The following SPTBN1 variants were observed in gnomAD, a reference collection of about 807,000 sequenced individuals.
SPTBN1 encodes spectrin beta chain, non-erythrocytic 1.
SPTBN1 carries 32 observed loss-of-function variants against 266.4 expected under a neutral mutation model. The observed-to-expected ratio is 0.12, with a 90% CI of 0.09 to 0.16. The LOEUF (loss-of-function observed/expected upper bound fraction) is 0.16. Among genes scored for constraint, SPTBN1 ranks in the 10% least tolerant of loss-of-function variants. The probability of loss-of-function intolerance (pLI) is 1.00; values close to 1 mark genes in which losing one functional copy is unlikely to be tolerated. For synonymous variants in SPTBN1, 1,336 were observed against 1,162.2 expected, an observed-to-expected ratio of 1.15 and a Z score of -3.04; for missense variants, 2,296 against 3,067.1, an observed-to-expected ratio of 0.75 and a Z score of 5.94.
intron 1 of SPTBN1, among the ~76,000 whole-genome samples, chr2:54,470,976 C>T (rs60415901): frequency 0.018 from 2,678 of 152,318 alleles, 75 homozygotes; most frequent in African/African-American, 0.058. Context: ...AGCTCATTAG[C>T]TATCATTAGT....
intron 1 of SPTBN1, among the ~76,000 whole-genome samples, chr2:54,501,295 T>C (rs1669256183): frequency 6.6e-6 from 1 of 152,098 alleles, no homozygotes; most frequent in South Asian, 2.1e-4. Context: ...GCTCTTTGGC[T>C]CTTTTTTTTT....
chr2:54,485,771 C>T (rs1342508003), intron 1 of SPTBN1, among the ~76,000 whole-genome samples: 1 of 151,372 alleles, frequency 6.6e-6, no homozygotes, highest in Non-Finnish European at 1.5e-5. Flanking sequence ...GCCGCCATCA[C>T]ATCTAGGAAG....
At chr2:54,667,080 C>T (rs1436795572) in intron 34 of SPTBN1, among the ~76,000 whole-genome samples, 3 of 152,200 alleles carry the variant, frequency 2.0e-5, no homozygotes, top group African/African-American at 7.2e-5. Flanking sequence ...GAACCTGTGA[C>T]CCTTCCAAGC....
chr2:54,459,636 T>C (rs1463390149), intron 1 of SPTBN1, among the ~76,000 whole-genome samples: 8 of 152,238 alleles, frequency 5.3e-5, no homozygotes, highest in Admixed American at 4.6e-4. Context: ...GATGCTCCTT[T>C]AATTATGTTG....
chr2:54,519,444 G>A (rs990702570), intron 1 of SPTBN1, among the ~76,000 whole-genome samples: 4 of 152,180 alleles, frequency 2.6e-5, no homozygotes, highest in Non-Finnish European at 5.9e-5. Flanking sequence ...GATTTGAGGA[G>A]GTTCCTGGAT....
At chr2:54,644,272 T>G in intron 19 of SPTBN1, 51 bp from the exon 20 acceptor site, 1 of 1,573,230 alleles carries the variant, frequency 6.4e-7, no homozygotes. Flanking sequence ...CAGTGACATT[T>G]TTTCTGTAGC....
intron 2 of SPTBN1, among the ~76,000 whole-genome samples, chr2:54,531,247 A>G (rs1340609018): frequency 6.6e-6 from 1 of 152,176 alleles, no homozygotes; most frequent in Non-Finnish European, 1.5e-5. Flanking sequence ...GGCATCTGAT[A>G]TGGGGGCAGT....
In SPTBN1 at chr2:54,626,092, C is replaced by A. The variant is rs76198367; in HGVS notation, c.1502C>A (p.Ala501Glu). The change falls in exon 12 of 36, where the codon GCG (alanine) becomes GAG (glutamate). Residue 501 changes from alanine to glutamate, a missense_variant. Transcript: ENST00000356805. This position sits in a 1 kb window ranked among gnomAD's most constrained non-coding sequence, Gnocchi z 4.7. The part of the protein sequence containing the change: ...ENYHDIKRIT[A>E]RKDNVIRLWE... ...TACCACGACATCAAGCGCATCACAG[C>A]GAGGAAGGACAATGTCATCCGGCTC... The A allele has an allele frequency of 1.2e-6, 2 of 1,614,116 alleles. No individual in the cohort carries two copies. The highest frequency in any genetic ancestry group is 1.1e-5 in the South Asian group (1 of 91,082).
intron 2 of SPTBN1, among the ~76,000 whole-genome samples, chr2:54,582,557 C>G (rs1054055362): frequency 6.7e-6 from 1 of 148,168 alleles, no homozygotes; most frequent in East Asian, 1.9e-4. Flanking sequence ...GAGCAAGACT[C>G]CGTCTCAAAA....
intron 32 of SPTBN1, chr2:54,662,986 C>T (rs1271330228): frequency 6.6e-6 from 1 of 152,186 alleles, no homozygotes. Flanking sequence ...TGCATAGTTT[C>T]TAGTCTTCCC....
intron 2 of SPTBN1, among the ~76,000 whole-genome samples, chr2:54,590,294 G>A (rs1218447291): frequency 6.6e-6 from 1 of 152,168 alleles, no homozygotes; most frequent in Non-Finnish European, 1.5e-5. Context: ...ACATTTAACT[G>A]CCTAGGGCCT....
chr2:54,481,462 G>T (rs1405305942), intron 1 of SPTBN1, among the ~76,000 whole-genome samples: 1 of 149,774 alleles, frequency 6.7e-6, no homozygotes, highest in Non-Finnish European at 1.5e-5. Context: ...TTGTTTGTTT[G>T]TTTGTTTTCC....
At position 54,599,102 on chromosome 2, in the gene SPTBN1, A is replaced by G. The variant is rs769510206; in HGVS notation, c.159A>G (p.Glu53=). 1.2e-6 allele frequency: 2 copies of G among 1,614,092 alleles called. No individual in the cohort carries two copies. Among genetic ancestry groups the G allele is most frequent in the Non-Finnish European group, 1.7e-6 (2 of 1,179,986 alleles). ...CTTCTCTGCTTGCAGATGAGCGTGA[A>G]GCCGTGCAGAAGAAGACCTTCACCA... ...SRIKALADER[E]AVQKKTFTKW... The change falls in exon 3 of 36, where the codon GAA becomes GAG. Residue 53 remains glutamate, a synonymous_variant. Transcript: ENST00000356805.
rs561440607 is a variant in SPTBN1 at position 54,629,444 on chromosome 2, C to T, written c.2310C>T (p.Ser770=). ...ACATCCTCAAGATTGTCTCCAGCAG[C>T]GACGTGGGCCACGATGAGTATTCCA... ...MLDILKIVSS[S]DVGHDEYSTQ... is the part of the protein sequence containing the mutation. Residue 770 remains serine, a synonymous_variant, in exon 14 of 36, where the codon AGC becomes AGT. Transcript: ENST00000356805. 4.2e-5 allele frequency: 67 copies of T among 1,614,128 alleles called. No individual in the cohort carries two copies. The highest frequency in any genetic ancestry group is 1.6e-4 in the Middle Eastern group (1 of 6,062).
In SPTBN1 at chr2:54,670,455, C is replaced by T; in HGVS notation, c.*1886C>T. 2.7e-6 allele frequency: 1 copy of T among 375,896 alleles called. No individual in the cohort carries two copies. The highest frequency in any genetic ancestry group is 4.7e-6 in the Non-Finnish European group (1 of 212,252). 23.3% of individuals were successfully genotyped at this position (375,896 alleles called of 1,614,324 possible). A position where few individuals can be genotyped will look rare whatever the true frequency, so the allele number is the denominator to read the frequency against. On this transcript the variant is annotated 3_prime_UTR_variant, in exon 36 of 36. Transcript: ENST00000356805. ...GCTCCACAGCTGCGTGGCATCAAAG[C>T]TTTCTCTTAACTCTCTTACCTCTAG...
At chr2:54,616,141 G>C in intron 4 of SPTBN1, 66 bp from the exon 5 acceptor site, 1 of 1,386,430 alleles carries the variant, frequency 7.2e-7, no homozygotes. Flanking sequence ...ATGCAGACCT[G>C]TTCTTCAGTG....
At chr2:54,464,947 C>T (rs1013492510) in intron 1 of SPTBN1, among the ~76,000 whole-genome samples, 1 of 152,260 alleles carries the variant, frequency 6.6e-6, no homozygotes, top group African/African-American at 2.4e-5. Flanking sequence ...CTGCCTTGGC[C>T]TCCCAAAGTG....
At chr2:54,607,799 ACTTGTGGTAGGCCTCTGCACATAATC>A (rs1676947753) in intron 3 of SPTBN1, among the ~76,000 whole-genome samples, 1 of 152,198 alleles carries the variant, frequency 6.6e-6, no homozygotes, top group Admixed American at 6.5e-5. Flanking sequence ...AAATTTTTCT[ACTTGTGGTAGGCCTCTGCACATAATC>A]TTATTTCCTC....
intron 2 of SPTBN1, among the ~76,000 whole-genome samples, chr2:54,590,949 G>A (rs1294504446): frequency 6.6e-6 from 1 of 152,182 alleles, no homozygotes; most frequent in Non-Finnish European, 1.5e-5. Context: ...GTTTAAGGTG[G>A]ATTAGAATGC....
Sources: gnomAD v4.1 joint callset for allele counts (sites outside exome capture counted in the v4.1 genomes callset) on GRCh38, gnomAD v4.1.1 for gene constraint, Gnocchi (gnomAD v3.1) non-coding constraint, MANE v1.5 for transcripts, NCBI Gene and HGNC (gene_info 2026-07-23, HGNC 2026-07-21) for gene names.